MTRFR: variants seen among roughly 807,000 people sequenced by gnomAD.
MTRFR encodes the protein mitochondrial translation release factor in rescue.
In MTRFR, 10 loss-of-function variants were observed where a neutral mutation model predicts 11.9. The observed-to-expected ratio is 0.84, with a 90% CI of 0.52 to 1.42. The LOEUF (loss-of-function observed/expected upper bound fraction) is 1.42. MTRFR is among the 40% of genes most tolerant of loss of function. The pLI is 0.00. For synonymous variants in MTRFR, 77 were observed against 79.1 expected, an observed-to-expected ratio of 0.97 and a Z score of 0.14; for missense variants, 196 against 197.9, an observed-to-expected ratio of 0.99 and a Z score of 0.06.
At chr12:123,244,445 A>AAAAAAC (rs1565993804) in intron 1 of MTRFR, among the ~76,000 whole-genome samples, 1 of 151,210 alleles carries the variant, frequency 6.6e-6, no homozygotes, top group African/African-American at 2.4e-5. Flanking sequence ...AACAAAAAAC[A>AAAAAAC]AAAAAAAAGC....
intron 2 of MTRFR, 68 bp from the exon 3 acceptor site, chr12:123,256,745 G>A: frequency 8.4e-7 from 1 of 1,195,824 alleles, no homozygotes; most frequent in Non-Finnish European, 1.2e-6. Flanking sequence ...TGAATTTAAT[G>A]ACTTCTGAGG....
chr12:123,243,718 AAAAG>A (rs1240824652), intron 1 of MTRFR: 2 of 152,260 alleles, frequency 1.3e-5, no homozygotes, highest in Non-Finnish European at 1.5e-5. Context: ...TAAAAAATAA[AAAAG>A]AAATAGCAGA....
chr12:123,242,577 T>G (rs1008018627), intron 1 of MTRFR, among the ~76,000 whole-genome samples: 5 of 152,168 alleles, frequency 3.3e-5, no homozygotes, highest in Admixed American at 1.3e-4. Context: ...TAAAAGTGTC[T>G]AGAATTGTCT....
chr12:123,242,477 G>T (rs575050221), intron 1 of MTRFR, among the ~76,000 whole-genome samples: 1 of 152,094 alleles, frequency 6.6e-6, no homozygotes, highest in Non-Finnish European at 1.5e-5. Flanking sequence ...AATCCAATTC[G>T]TATTTTTTTG....
chr12:123,250,839 A>G (rs562123322), intron 1 of MTRFR: 2 of 152,338 alleles, frequency 1.3e-5, no homozygotes, highest in African/African-American at 4.8e-5. Flanking sequence ...GGTCCTTTCC[A>G]GAAAGCATCA....
chr12:123,246,073 G>C (rs1456872242), intron 1 of MTRFR, among the ~76,000 whole-genome samples: 1 of 151,864 alleles, frequency 6.6e-6, no homozygotes, highest in Non-Finnish European at 1.5e-5. Flanking sequence ...GTTTTGTTTT[G>C]TTGTGAGACA....
chr12:123,236,111 G>A (rs957396355), intron 1 of MTRFR, among the ~76,000 whole-genome samples: 2 of 151,910 alleles, frequency 1.3e-5, no homozygotes, highest in African/African-American at 4.8e-5. Flanking sequence ...TAAGGAAAAG[G>A]AGCTAACATT....
intron 1 of MTRFR, 45 bp from the exon 2 acceptor site, chr12:123,253,602 G>A: frequency 3.2e-6 from 5 of 1,573,266 alleles, no homozygotes; most frequent in Non-Finnish European, 3.5e-6. Context: ...TAATCTTGAG[G>A]GCAGATGCCT....
At chr12:123,235,654 G>C (rs1565989150) in intron 1 of MTRFR, among the ~76,000 whole-genome samples, 1 of 151,692 alleles carries the variant, frequency 6.6e-6, no homozygotes. Context: ...TTACAGGCGT[G>C]AGCCACCGCG....
At chr12:123,237,581 C>T (rs191215192) in intron 1 of MTRFR, among the ~76,000 whole-genome samples, 109 of 152,226 alleles carry the variant, frequency 7.2e-4, no homozygotes, top group African/African-American at 2.4e-3. Context: ...TCTCTTTTTC[C>T]TCCCGTCCGC....
chr12:123,245,324 A>G (rs2048023675), intron 1 of MTRFR, among the ~76,000 whole-genome samples: 2 of 152,146 alleles, frequency 1.3e-5, no homozygotes, highest in Non-Finnish European at 2.9e-5. Flanking sequence ...TGATGCCTCC[A>G]GATTTGTACT....
At chr12:123,238,525 C>A (rs1025487342) in intron 1 of MTRFR, among the ~76,000 whole-genome samples, 1 of 152,078 alleles carries the variant, frequency 6.6e-6, no homozygotes, top group Non-Finnish European at 1.5e-5. Context: ...AATCCCAGCA[C>A]TTTTTGAGAC....
chr12:123,251,342 A>G (rs1038080980), intron 1 of MTRFR: 1 of 152,350 alleles, frequency 6.6e-6, no homozygotes, highest in Non-Finnish European at 1.5e-5. Context: ...CAGTTGCCCA[A>G]GTTCTGGCCA....
rs571823028 is a variant in MTRFR, at chr12:123,245,215, C to T, written c.-28-8432C>T. The stretch of plus-strand genomic sequence containing the variant: ...CCTCCCAAAGTGCTGGGATTACAGG[C>T]GTGAGCCACCACGCCTGGCCCTACG... On this transcript the variant is annotated intron_variant, in intron 1 of 2. Transcript: ENST00000253233. Among the ~76,000 whole-genome samples the T allele has an allele frequency of 9.2e-5, 14 of 152,190 alleles. No homozygotes were observed. In the South Asian group the frequency reaches 2.5e-3, roughly 27 times the overall value.
At chr12:123,233,142 AGC>A (rs146239222), upstream of MTRFR, 89,625 of 151,812 alleles carry the variant, frequency 0.59, 30,778 homozygotes, top group Non-Finnish European at 0.75. Flanking sequence ...TACCCGAGGG[AGC>A]GCGCGCGCGC....
intron 2 of MTRFR, among the ~76,000 whole-genome samples, chr12:123,255,967 A>C (rs1354114288): frequency 1.3e-5 from 2 of 151,988 alleles, no homozygotes; most frequent in Non-Finnish European, 2.9e-5. Flanking sequence ...GGGTCTTGCT[A>C]TGTTGCCCAC....
rs920480824 is a variant in MTRFR at position 123,234,370 on chromosome 12, A to AT, written c.-29+848dup. On this transcript the variant is annotated intron_variant, in intron 1 of 2. Transcript: ENST00000253233. ...TGGAGCTTCCTAAGTATACCTACCA[A>AT]TTTTTTTTTACTTTTTTTATTTTTG... Among the ~76,000 whole-genome samples, 11 of 109,510 alleles carry AT rather than the reference A, an allele frequency of 1.0e-4. No homozygotes were observed. In the East Asian group the frequency reaches 1.3e-3, roughly 13 times the overall value. 71.8% of individuals were successfully genotyped at this position (109,510 alleles called of 152,430 possible). A position where few individuals can be genotyped will look rare whatever the true frequency, so the allele number is the denominator to read the frequency against.
chr12:123,243,170 A>C (rs879816130), intron 1 of MTRFR, among the ~76,000 whole-genome samples: 4 of 151,938 alleles, frequency 2.6e-5, no homozygotes, highest in Admixed American at 2.6e-4. Flanking sequence ...TCCTTGGCAC[A>C]CTCCATTTCA....
chr12:123,247,494 A>G (rs780022090), intron 1 of MTRFR, among the ~76,000 whole-genome samples: 20 of 152,202 alleles, frequency 1.3e-4, no homozygotes, highest in Non-Finnish European at 2.2e-4. Flanking sequence ...TGTCATTTGC[A>G]TGACATGCCT....
Sources: gnomAD v4.1 joint callset for allele counts (sites outside exome capture counted in the v4.1 genomes callset) on GRCh38, gnomAD v4.1.1 for gene constraint, MANE v1.5 for transcripts, NCBI Gene and HGNC (gene_info 2026-07-23, HGNC 2026-07-21) for gene names.